Variants in SLC4A8 observed in about 807,000 individuals in gnomAD.
The protein encoded by SLC4A8 is electroneutral sodium bicarbonate exchanger 1.
A neutral mutation model predicts 125.0 loss-of-function variants in SLC4A8; 40 were observed. The observed-to-expected ratio is 0.32, with a 90% CI of 0.25 to 0.42. SLC4A8 has a LOEUF of 0.42. Ranked by LOEUF, SLC4A8 falls within the 10% of genes least tolerant of loss-of-function variation. SLC4A8 has a pLI of 1.00. For synonymous variants in SLC4A8, 456 were observed against 476.0 expected (o/e 0.96, Z 0.55); for missense variants, 863 against 1,355.1 (o/e 0.64, Z 5.70).
intron 14 of SLC4A8, 24 bp from the exon 15 acceptor site, chr12:51,474,318 A>T (rs1266314265): frequency 1.4e-6 from 2 of 1,466,536 alleles, no homozygotes; most frequent in Admixed American, 1.7e-5. Context: ...TTTCCTCAGG[A>T]ATCTTTTTAA....
chr12:51,470,933 C>T (rs1480366804), intron 13 of SLC4A8, among the ~76,000 whole-genome samples: 1 of 151,820 alleles, frequency 6.6e-6, no homozygotes, highest in Non-Finnish European at 1.5e-5. Context: ...CCTAATTTTC[C>T]TATACAATCT....
intron 1 of SLC4A8, among the ~76,000 whole-genome samples, chr12:51,419,077 T>C (rs1948737864): frequency 6.6e-6 from 1 of 152,214 alleles, no homozygotes; most frequent in Non-Finnish European, 1.5e-5. Flanking sequence ...TTCAATTTTA[T>C]GCAGGAAATG....
At chr12:51,449,649 C>T (rs1421301602) in intron 2 of SLC4A8, among the ~76,000 whole-genome samples, 1 of 151,994 alleles carries the variant, frequency 6.6e-6, no homozygotes, top group African/African-American at 2.4e-5. Context: ...GCATCAGCAG[C>T]CCCAAATTCT....
intron 18 of SLC4A8, 103 bp from the exon 19 acceptor site, chr12:51,489,597 C>T: frequency 6.9e-7 from 1 of 1,445,122 alleles, no homozygotes; most frequent in Non-Finnish European, 9.4e-7. Context: ...TCCTTCTTAT[C>T]CATACACCCC....
chr12:51,425,267 C>T, intron 1 of SLC4A8: 2 of 1,316,002 alleles, frequency 1.5e-6, no homozygotes, highest in South Asian at 4.2e-5. Context: ...TCTGCCGCAT[C>T]CCTTGCGCCG....
chr12:51,426,637 A>T (rs1948990867), intron 1 of SLC4A8, among the ~76,000 whole-genome samples: 1 of 152,166 alleles, frequency 6.6e-6, no homozygotes, highest in Admixed American at 6.5e-5. Flanking sequence ...GAACAGCTAC[A>T]CAAAAGACCT....
At chr12:51,430,986 T>C (rs575613749) in intron 1 of SLC4A8, among the ~76,000 whole-genome samples, 2 of 152,366 alleles carry the variant, frequency 1.3e-5, no homozygotes, top group Admixed American at 6.5e-5. Flanking sequence ...AGAAATCTGA[T>C]ACAGGTCTCA....
At chr12:51,476,990 C>T (rs961362254) in intron 16 of SLC4A8, among the ~76,000 whole-genome samples, 16 of 150,200 alleles carry the variant, frequency 1.1e-4, no homozygotes, top group African/African-American at 3.9e-4. Context: ...TCACCACAAC[C>T]TCTGCCTCCC....
intron 1 of SLC4A8, among the ~76,000 whole-genome samples, chr12:51,400,724 CTTTATATATATATA>C (rs1443785266): frequency 1.1e-4 from 6 of 54,994 alleles, no homozygotes; most frequent in African/African-American, 4.9e-4. Context: ...GAATGAACTC[CTTTATATATATATA>C]TATATATATA....
chr12:51,497,393 C>A (rs147270214), intron 22 of SLC4A8: 5 of 328,062 alleles, frequency 1.5e-5, no homozygotes, highest in Non-Finnish European at 2.2e-5. Flanking sequence ...ACAGTATGCC[C>A]TTATTAGCAG....
chr12:51,489,582 C>A (rs1951253420), intron 18 of SLC4A8, 118 bp from the exon 19 acceptor site: 2 of 1,306,464 alleles, frequency 1.5e-6, no homozygotes, highest in Admixed American at 2.1e-5. Context: ...GATCCCTGAA[C>A]CCCTTCCTTC....
intron 9 of SLC4A8, 89 bp from the exon 10 acceptor site, chr12:51,462,221 A>C: frequency 8.4e-7 from 1 of 1,197,280 alleles, no homozygotes; most frequent in Non-Finnish European, 1.2e-6. Context: ...AAAAATCAAC[A>C]GGTTGTATTC....
chr12:51,433,528 T>C (rs1949263800), intron 1 of SLC4A8, among the ~76,000 whole-genome samples: 1 of 152,192 alleles, frequency 6.6e-6, no homozygotes, highest in Non-Finnish European at 1.5e-5. Flanking sequence ...CCAAGAAAAG[T>C]GCACATTCAC....
In SLC4A8 at chr12:51,462,427, A is replaced by T. The variant is rs1950358734; in HGVS notation, c.1219A>T (p.Ile407Phe). The T allele has an allele frequency of 6.3e-7, 1 of 1,585,724 alleles. No individual in the cohort carries two copies. Among genetic ancestry groups the T allele is most frequent in the Non-Finnish European group, 8.6e-7 (1 of 1,168,874 alleles). ...AGGAGAGTGGGATCCCTCCATTAGA[A>T]TTGAGCCACCCAAAAATGTCCCTTC... ...PPGEWDPSIR[I>F]EPPKNVPSQE... Residue 407 changes from isoleucine to phenylalanine, a missense_variant, in exon 10 of 25, where the codon ATT becomes TTT. Physicochemically the swap from Ile to Phe is conservative, Grantham distance 21 (BLOSUM62 0). Around this residue, in one of 6 missense-constraint regions of SLC4A8, gnomAD observed 390 missense variants for 634.4 expected, o/e 0.61. Coordinates refer to ENST00000453097, the MANE Select transcript of SLC4A8 (RefSeq NM_001039960.3).
chr12:51,417,003 G>A (rs1356884753), intron 1 of SLC4A8, among the ~76,000 whole-genome samples: 1 of 151,734 alleles, frequency 6.6e-6, no homozygotes, highest in Non-Finnish European at 1.5e-5. Flanking sequence ...TGCCTGTAGT[G>A]TCAGCTACTC....
chr12:51,410,876 C>CTTTTTTTTTT (rs58043742), intron 1 of SLC4A8, among the ~76,000 whole-genome samples: 10 of 117,394 alleles, frequency 8.5e-5, no homozygotes, highest in Admixed American at 1.7e-4. Context: ...CTTTTCTTTT[C>CTTTTTTTTTT]TTTTTTTTTT....
chr12:51,394,664 ACAACAGGCACGGGGGC>A (rs1424216412), intron 1 of SLC4A8, among the ~76,000 whole-genome samples: 2 of 152,214 alleles, frequency 1.3e-5, no homozygotes, highest in African/African-American at 4.8e-5. Flanking sequence ...AAATAAAAAT[ACAACAGGCACGGGGGC>A]CCACTTGAGG....
At chr12:51,479,924 G>A (rs973402883) in intron 16 of SLC4A8, 15 of 384,940 alleles carry the variant, frequency 3.9e-5, no homozygotes, top group South Asian at 5.8e-5. Flanking sequence ...TCTGTCTCAC[G>A]AAACAGAGGG....
upstream of SLC4A8, among the ~76,000 whole-genome samples, chr12:51,421,464 C>A (rs1479914909): frequency 1.3e-5 from 2 of 152,200 alleles, no homozygotes; most frequent in Non-Finnish European, 2.9e-5. Flanking sequence ...GAAGATGGGG[C>A]TCTTGACCCT....
Sources: allele counts gnomAD v4.1 joint callset (sites outside exome capture counted in the v4.1 genomes callset), GRCh38; gene constraint gnomAD v4.1.1; regional missense constraint gnomAD v4.1.1; transcripts MANE v1.5; gene names NCBI Gene and HGNC (gene_info 2026-07-23, HGNC 2026-07-21).